NEB: variants seen among roughly 807,000 people sequenced by gnomAD.
The protein encoded by NEB is nemaline myopathy type 2.
A neutral mutation model predicts 952.2 loss-of-function variants in NEB; 512 were observed. That is an observed-to-expected ratio of 0.54 (90% CI 0.50 to 0.58). The LOEUF is 0.58. NEB is among the 20% of genes least tolerant of loss of function. NEB has a pLI of 0.00. For missense variants in NEB, 8,428 were observed against 9,231.1 expected, an observed-to-expected ratio of 0.91 and a Z score of 3.56; for synonymous variants, 2,900 against 3,149.8, an observed-to-expected ratio of 0.92 and a Z score of 2.66.
chr2:151,618,632 A>T (rs990806927), intron 73 of NEB, among the ~76,000 whole-genome samples, 154 bp from the exon 74 acceptor site: 14 of 152,328 alleles, frequency 9.2e-5, no homozygotes, highest in Non-Finnish European at 1.8e-4. Flanking sequence ...TTGAATCCTA[A>T]GTGTATTTTT....
rs200564629 is a variant in NEB at position 151,679,929 on chromosome 2, T to A, written c.3136A>T (p.Asn1046Tyr). ...GTCCACCCACGCACCTCACTGATAT[T>A]GTAGGCATTAACTTTAGCCTGGATG... ...QFIQAKVNAY[N>Y]ISENMYKADL... The change falls in exon 31 of 182, where the codon AAT (asparagine) becomes TAT (tyrosine). Residue 1046 changes from asparagine (N) to tyrosine (Y), a missense_variant. Asn to Tyr is a moderately radical substitution (Grantham distance 143, BLOSUM62 -2). This residue lies in a region of NEB where 2,851 missense variants were observed against 2,791.5 expected (regional missense o/e 1.02). Coordinates refer to ENST00000397345, the MANE Select transcript of NEB (RefSeq NM_001164508.2). 3 of 1,612,830 alleles carry A rather than the reference T, an allele frequency of 1.9e-6. No homozygotes were observed. In the African/African-American group the frequency reaches 4.0e-5, roughly 22 times the overall value.
chr2:151,494,839 G>C (rs1026762159), intron 173 of NEB: 1 of 152,494 alleles, frequency 6.6e-6, no homozygotes, highest in Admixed American at 6.6e-5. Flanking sequence ...TAGTAGAGAC[G>C]GGGTTTCACT....
At chr2:151,595,408 C>A (rs577351442) in intron 92 of NEB, among the ~76,000 whole-genome samples, 6 of 151,662 alleles carry the variant, frequency 4.0e-5, no homozygotes, top group Non-Finnish European at 5.9e-5. Context: ...CCCGCCACCA[C>A]GCCCAGCTAA....
intron 13 of NEB, among the ~76,000 whole-genome samples, chr2:151,699,961 T>C (rs1210835476): frequency 4.1e-5 from 6 of 147,686 alleles, no homozygotes; most frequent in African/African-American, 1.5e-4. Context: ...TGAATGGTAA[T>C]GCCTAGGTTT....
At chr2:151,687,777 G>A in intron 25 of NEB, 44 bp from the exon 26 acceptor site, 2 of 1,498,440 alleles carry the variant, frequency 1.3e-6, no homozygotes, top group Non-Finnish European at 1.8e-6. Flanking sequence ...GAACAACAGT[G>A]TAATCCAGTA....
Position 151,650,765 on chromosome 2 carries a change from A to G in NEB, c.7036T>C (p.Tyr2346His), listed in dbSNP as rs776585117. 14 of 1,613,742 alleles carry G rather than the reference A, an allele frequency of 8.7e-6. No homozygotes were observed. Among genetic ancestry groups the G allele is most frequent in the Non-Finnish European group, 1.2e-5 (14 of 1,179,846 alleles). ...NVAKMQSERE[Y>H]KKDFEKWKTK... Reference sequence around the variant, plus strand: ...TTCCACTTCTCAAAGTCCTTCTTGTATTCTCTTTCACTCTGCATTTTGGCT... The same window carrying G: ...TTCCACTTCTCAAAGTCCTTCTTGTGTTCTCTTTCACTCTGCATTTTGGCT... The change falls in exon 53 of 182, where the codon TAC (tyrosine) becomes CAC (histidine). Residue 2346 changes from tyrosine to histidine, a missense_variant. Physicochemically the swap from Tyr to His is moderately conservative, Grantham distance 83 (BLOSUM62 2). Around this residue, in one of 11 missense-constraint regions of NEB, gnomAD observed 1,772 missense variants for 1,960.3 expected, o/e 0.90. Transcript: ENST00000397345.
intron 180 of NEB, 85 bp downstream of exon 180, chr2:151,490,287 G>T: frequency 1.3e-6 from 2 of 1,482,512 alleles, no homozygotes; most frequent in Admixed American, 2.3e-5. Context: ...TTTTAAATTT[G>T]TTTTTGTACT....
chr2:151,710,521 G>T lies in NEB; in HGVS notation c.840C>A (p.Asp280Glu), dbSNP rs953526249. The part of the protein sequence containing the change: ...NQVSKQKYKE[D>E]YENKIKGKWS... ...ATTTGCCTTTGATTTTATTTTCATAGTCTTCTTTGTATTTTTGCTAGAAAA... is the reference window on the plus strand; with the variant it reads ...ATTTGCCTTTGATTTTATTTTCATATTCTTCTTTGTATTTTTGCTAGAAAA... The change falls in exon 11 of 182, where the codon GAC (aspartate) becomes GAA (glutamate). Residue 280 changes from aspartate (D) to glutamate (E), a missense_variant. Coordinates refer to ENST00000397345, the MANE Select transcript of NEB (RefSeq NM_001164508.2). 6.2e-7 allele frequency: 1 copy of T among 1,603,502 alleles called. No individual in the cohort carries two copies. Among genetic ancestry groups the T allele is most frequent in the Non-Finnish European group, 8.5e-7 (1 of 1,173,842 alleles).
At chr2:151,624,894 A>G (rs756859541) in intron 71 of NEB, among the ~76,000 whole-genome samples, 4 of 152,196 alleles carry the variant, frequency 2.6e-5, no homozygotes, top group Admixed American at 6.5e-5. Context: ...AAGGCTGAAG[A>G]TAGTTCATAA....
At chr2:151,640,771 A>G (rs1440824930) in intron 60 of NEB, 105 bp from the exon 61 acceptor site, 18 of 1,080,678 alleles carry the variant, frequency 1.7e-5, no homozygotes, top group Non-Finnish European at 2.2e-5. Context: ...TTCCCTGAAT[A>G]TGTAAATTAT....
chr2:151,666,295 T>C lies in NEB; in HGVS notation c.4826A>G (p.Gln1609Arg), dbSNP rs2099216290. The C allele has an allele frequency of 6.2e-7, 1 of 1,613,950 alleles. No individual in the cohort carries two copies. The highest frequency in any genetic ancestry group is 8.5e-7 in the Non-Finnish European group (1 of 1,179,860). The change falls in exon 41 of 182, where the codon CAG becomes CGG. Residue 1609 changes from glutamine to arginine, a missense_variant. Transcript: ENST00000397345. Reference protein sequence around the residue: ...LVHYMNVAKIQSDREYKKGYE... With the variant: ...LVHYMNVAKIRSDREYKKGYE... ...GCCCTTTTTGTACTCACGATCAGAC[T>C]GGATTTTGGCCACATTCATGTAGTG...
intron 9 of NEB, among the ~76,000 whole-genome samples, chr2:151,719,679 G>A (rs1435740279): frequency 6.6e-6 from 1 of 152,154 alleles, no homozygotes; most frequent in East Asian, 1.9e-4. Context: ...AAAGGTTCAA[G>A]ACCAGCCAGG....
chr2:151,692,911 A>G (rs1576547140), intron 20 of NEB, among the ~76,000 whole-genome samples: 1 of 152,296 alleles, frequency 6.6e-6, no homozygotes, highest in East Asian at 1.9e-4. Context: ...CAGAGATTAC[A>G]GTGAGCCGAG....
At chr2:151,521,411 A>G (rs915954830) in intron 153 of NEB, among the ~76,000 whole-genome samples, 17 of 147,968 alleles carry the variant, frequency 1.1e-4, no homozygotes, top group Non-Finnish European at 1.5e-5. Flanking sequence ...CTCTCAACAT[A>G]AAGAAGTGGA....
rs762108764 is a variant in NEB at position 151,695,660 on chromosome 2, T to A, written c.1592A>T (p.Glu531Val). The change falls in exon 18 of 182, where the codon GAA (glutamate) becomes GTA (valine). Residue 531 changes from glutamate (E) to valine (V), a missense_variant. Physicochemically the swap from Glu to Val is moderately radical, Grantham distance 121. Coordinates refer to ENST00000397345, the MANE Select transcript of NEB (RefSeq NM_001164508.2). ...LSDLNYKAKH[E>V]SEKFKCHIPP... Reference sequence around the variant, plus strand: ...GATATGGCACTTGAACTTTTCACTTTCATGTTTTGCTTTGTAATTTAACTA... The same window carrying A: ...GATATGGCACTTGAACTTTTCACTTACATGTTTTGCTTTGTAATTTAACTA... 2.5e-6 allele frequency: 4 copies of A among 1,613,702 alleles called. No individual in the cohort carries two copies. The highest frequency in any genetic ancestry group is 3.4e-6 in the Non-Finnish European group (4 of 1,179,686).
At chr2:151,702,472 A>G (rs956094910) in intron 13 of NEB, among the ~76,000 whole-genome samples, 9 of 152,054 alleles carry the variant, frequency 5.9e-5, no homozygotes, top group Non-Finnish European at 1.2e-4. Flanking sequence ...GGGGTGTTAA[A>G]GTCTCCCATT....
intron 124 of NEB, among the ~76,000 whole-genome samples, chr2:151,555,660 A>G (rs1290655414): frequency 6.6e-6 from 1 of 152,180 alleles, no homozygotes; most frequent in African/African-American, 2.4e-5. Context: ...AGCACACAAT[A>G]ATAAAATAAC....
At chr2:151,631,701 A>G (rs1052924662) in intron 65 of NEB, among the ~76,000 whole-genome samples, 9 of 152,284 alleles carry the variant, frequency 5.9e-5, no homozygotes, top group African/African-American at 2.2e-4. Flanking sequence ...TTAGTGAATC[A>G]ATTTTAGGCC....
intron 128 of NEB, 58 bp from the exon 129 acceptor site, chr2:151,551,903 TA>T: frequency 5.5e-5 from 67 of 1,214,584 alleles, no homozygotes; most frequent in Non-Finnish European, 6.3e-5. Context: ...GGTTCCTCTT[TA>T]AAAAAAATAA....
Sources: gnomAD v4.1 joint callset for allele counts (sites outside exome capture counted in the v4.1 genomes callset) on GRCh38, gnomAD v4.1.1 for gene constraint, gnomAD v4.1.1 regional missense constraint, MANE v1.5 for transcripts, NCBI Gene and HGNC (gene_info 2026-07-23, HGNC 2026-07-21) for gene names.